CSMD2: variants seen among roughly 807,000 people sequenced by gnomAD.
The protein encoded by CSMD2 is CUB and Sushi multiple domains 2, also known as CUB and sushi domain-containing protein 2.
In CSMD2, 130 loss-of-function variants were observed where a neutral mutation model predicts 398.5. That is an observed-to-expected ratio of 0.33 (90% confidence interval 0.28 to 0.38). The LOEUF (loss-of-function observed/expected upper bound fraction) is 0.38, where lower values mean the gene tolerates loss of function less well. Ranked by LOEUF, CSMD2 falls within the 10% of genes least tolerant of loss-of-function variation. The probability of loss-of-function intolerance (pLI) is 1.00; values close to 1 mark genes in which losing one functional copy is unlikely to be tolerated. For missense variants in CSMD2, 3,829 were observed against 4,764.9 expected, an observed-to-expected ratio of 0.80 and a Z score of 5.78; for synonymous variants, 1,828 against 1,908.5, an observed-to-expected ratio of 0.96 and a Z score of 1.10.
At chr1:33,667,561 G>A (rs1284538636) in intron 25 of CSMD2, among the ~76,000 whole-genome samples, 1 of 152,186 alleles carries the variant, frequency 6.6e-6, no homozygotes, top group Non-Finnish European at 1.5e-5. Context: ...TCTCTGGGAG[G>A]AAGAGGCTGT....
At chr1:33,762,974 A>G (rs959227326) in intron 13 of CSMD2, among the ~76,000 whole-genome samples, 7 of 152,196 alleles carry the variant, frequency 4.6e-5, no homozygotes, top group African/African-American at 1.7e-4. Context: ...TTGATGGGAT[A>G]CCAACATGGA....
intron 5 of CSMD2, chr1:33,861,294 T>A (rs1393404871): frequency 6.6e-6 from 1 of 152,226 alleles, no homozygotes; most frequent in Non-Finnish European, 1.5e-5. Context: ...GCCTATTTTT[T>A]AAAAATAAGG....
chr1:33,709,016 G>C, intron 22 of CSMD2, 73 bp downstream of exon 22: 1 of 1,321,842 alleles, frequency 7.6e-7, no homozygotes, highest in South Asian at 1.5e-5. Flanking sequence ...CATTCACACA[G>C]AGACAAAGGA....
At chr1:33,586,135 C>T (rs150817411) in intron 46 of CSMD2, among the ~76,000 whole-genome samples, 28 of 152,322 alleles carry the variant, frequency 1.8e-4, no homozygotes, top group East Asian at 7.7e-4. Context: ...TGAGTGCATC[C>T]GCGCATCAGT....
At chr1:33,612,225 T>A (rs1367524378) in intron 40 of CSMD2, among the ~76,000 whole-genome samples, 1 of 152,206 alleles carries the variant, frequency 6.6e-6, no homozygotes, top group African/African-American at 2.4e-5. Context: ...ATAGATGGAT[T>A]TTCATTTTTA....
At chr1:33,726,490 G>A (rs1028434178) in intron 16 of CSMD2, 57 bp downstream of exon 16, 62 of 1,550,072 alleles carry the variant, frequency 4.0e-5, no homozygotes, top group Admixed American at 2.7e-4. Flanking sequence ...TCCCTCCCAC[G>A]TGGCTCTGTA....
intron 13 of CSMD2, among the ~76,000 whole-genome samples, chr1:33,747,860 A>G (rs567390499): frequency 6.6e-6 from 1 of 152,362 alleles, no homozygotes; most frequent in South Asian, 2.1e-4. Context: ...ACCGATTTTA[A>G]AAAGTTCCCC....
At chr1:33,660,941 T>C (rs532236962) in intron 26 of CSMD2, among the ~76,000 whole-genome samples, 2 of 152,282 alleles carry the variant, frequency 1.3e-5, no homozygotes, top group East Asian at 1.9e-4. Context: ...ATTGAATAAA[T>C]AGAAGTAAAG....
chr1:33,666,946 G>A (rs541946455), intron 25 of CSMD2, among the ~76,000 whole-genome samples: 26 of 152,272 alleles, frequency 1.7e-4, no homozygotes, highest in Admixed American at 1.6e-3. Flanking sequence ...AGTTTAGGTG[G>A]CGTGAAAGGA....
intron 13 of CSMD2, among the ~76,000 whole-genome samples, chr1:33,757,821 G>T (rs1649252026): frequency 6.6e-6 from 1 of 152,144 alleles, no homozygotes; most frequent in Admixed American, 6.5e-5. Flanking sequence ...AACTTCTGTT[G>T]ATTCTATCTC....
chr1:34,080,740 A>G (rs1363983693), intron 2 of CSMD2, among the ~76,000 whole-genome samples: 3 of 152,120 alleles, frequency 2.0e-5, no homozygotes, highest in Non-Finnish European at 4.4e-5. Flanking sequence ...AATAAAACTA[A>G]TTTAATTTAC....
chr1:33,553,653 C>T (rs1477677224), intron 55 of CSMD2, among the ~76,000 whole-genome samples: 1 of 152,136 alleles, frequency 6.6e-6, no homozygotes, highest in Non-Finnish European at 1.5e-5. Context: ...AGCCCTAAAG[C>T]TAAGCCTCTT....
intron 25 of CSMD2, among the ~76,000 whole-genome samples, chr1:33,680,746 C>T (rs1384496172): frequency 6.6e-6 from 1 of 152,018 alleles, no homozygotes; most frequent in Admixed American, 6.6e-5. Context: ...CAGACACCTC[C>T]AGCCCCACCC....
chr1:33,727,579 C>T (rs1156786389), intron 15 of CSMD2, among the ~76,000 whole-genome samples: 1 of 152,146 alleles, frequency 6.6e-6, no homozygotes, highest in East Asian at 1.9e-4. Flanking sequence ...AAGTGCTGTA[C>T]ATCATGTCTC....
At chr1:34,016,793 T>C (rs190603067) in intron 3 of CSMD2, among the ~76,000 whole-genome samples, 16 of 143,370 alleles carry the variant, frequency 1.1e-4, no homozygotes, top group South Asian at 2.7e-4. Context: ...TTGATATAGA[T>C]AGATAGATAG....
intron 12 of CSMD2, among the ~76,000 whole-genome samples, chr1:33,780,768 CT>C (rs902969282): frequency 3.3e-5 from 5 of 152,216 alleles, no homozygotes; most frequent in Non-Finnish European, 5.9e-5. Context: ...TCTAGCTCAA[CT>C]TTGGCTCCCA....
intron 65 of CSMD2, among the ~76,000 whole-genome samples, chr1:33,526,768 A>G (rs1459480217): frequency 6.6e-6 from 1 of 152,184 alleles, no homozygotes; most frequent in East Asian, 1.9e-4. Context: ...AGAATTTGGT[A>G]TTGGTCAGGC....
At chr1:33,934,463 A>G (rs1345752266) in intron 4 of CSMD2, among the ~76,000 whole-genome samples, 1 of 152,222 alleles carries the variant, frequency 6.6e-6, no homozygotes, top group African/African-American at 2.4e-5. Context: ...GGAGCTTTCA[A>G]GATGCTGGGC....
intron 15 of CSMD2, among the ~76,000 whole-genome samples, chr1:33,737,728 A>T (rs1344484636): frequency 6.6e-6 from 1 of 152,204 alleles, no homozygotes; most frequent in African/African-American, 2.4e-5. Context: ...TCATTCATTT[A>T]TTCGGTGACT....
Sources: gnomAD v4.1 joint callset for allele counts (sites outside exome capture counted in the v4.1 genomes callset) on GRCh38, gnomAD v4.1.1 for gene constraint, MANE v1.5 for transcripts, NCBI Gene and HGNC (gene_info 2026-07-23, HGNC 2026-07-21) for gene names.